IRF2: variants seen among roughly 807,000 people sequenced by gnomAD.
IRF2 encodes the protein interferon regulatory factor 2.
IRF2 carries 15 observed loss-of-function variants against 40.6 expected under a neutral mutation model. The observed-to-expected ratio is 0.37, with a 90% CI of 0.25 to 0.57. The LOEUF (loss-of-function observed/expected upper bound fraction) is 0.57, where lower values mean the gene tolerates loss of function less well. Ranked by LOEUF, IRF2 falls within the 20% of genes least tolerant of loss-of-function variation. The probability of loss-of-function intolerance (pLI) is 0.77; values close to 1 mark genes in which losing one functional copy is unlikely to be tolerated. For synonymous variants in IRF2, 151 were observed against 165.5 expected, an observed-to-expected ratio of 0.91 and a Z score of 0.67; for missense variants, 317 against 455.7, an observed-to-expected ratio of 0.70 and a Z score of 2.77.
chr4:184,436,278 G>A (rs1362950341), intron 1 of IRF2, among the ~76,000 whole-genome samples: 1 of 152,084 alleles, frequency 6.6e-6, no homozygotes, highest in Non-Finnish European at 1.5e-5. Context: ...CCCGGCCATG[G>A]AACGCCTTTT....
intron 1 of IRF2, among the ~76,000 whole-genome samples, chr4:184,466,153 C>T (rs1018974205): frequency 4.0e-5 from 6 of 151,038 alleles, no homozygotes; most frequent in Admixed American, 6.6e-5. Flanking sequence ...TGGGTTCAAG[C>T]GATTCTCCTG....
At chr4:184,430,643 T>C (rs900779690) in intron 1 of IRF2, among the ~76,000 whole-genome samples, 3 of 152,224 alleles carry the variant, frequency 2.0e-5, no homozygotes, top group Non-Finnish European at 4.4e-5. Context: ...CTCTCAGCTG[T>C]GTATAGTCCA....
intron 1 of IRF2, among the ~76,000 whole-genome samples, chr4:184,451,087 G>A (rs1435716515): frequency 6.6e-6 from 1 of 152,178 alleles, no homozygotes; most frequent in African/African-American, 2.4e-5. Context: ...ATTATGCAAC[G>A]TGAGAAGTTG....
intron 1 of IRF2, among the ~76,000 whole-genome samples, chr4:184,473,619 G>T (rs1199587847): frequency 6.8e-6 from 1 of 147,650 alleles, no homozygotes; most frequent in African/African-American, 2.4e-5. Flanking sequence ...GCGTCGGCCA[G>T]GCCCGGCGCC....
chr4:184,401,498 A>C (rs1458516553), intron 6 of IRF2, among the ~76,000 whole-genome samples: 1 of 152,206 alleles, frequency 6.6e-6, no homozygotes. Context: ...GGCAGGCTAT[A>C]TATGGCAGGC....
chr4:184,457,882 G>A lies in IRF2; in HGVS notation c.-7+16497C>T, dbSNP rs143920451. Among the ~76,000 whole-genome samples, 1,298 of 151,818 alleles carry A rather than the reference G, an allele frequency of 8.5e-3. 13 individuals carry two copies. The highest frequency in any genetic ancestry group is 0.015 in the Non-Finnish European group (1,022 of 67,952). ...AAAGAAAAAAGCTGGCTGTATCCTC[G>A]GAACAAAACCCTTCCTTACTGGGAA... On this transcript the variant is annotated intron_variant, in intron 1 of 8. Coordinates refer to ENST00000393593, the MANE Select transcript of IRF2 (RefSeq NM_002199.4).
In IRF2 at chr4:184,464,939, T is replaced by C. The variant is rs536185197; in HGVS notation, c.-7+9440A>G. ...CCCTGTCAACAAAGTGTAGCCCACA[T>C]GTACATTCCATTAGTTTTCAGTGTC... On this transcript the variant is annotated intron_variant, in intron 1 of 8. Transcript: ENST00000393593. Among the ~76,000 whole-genome samples the C allele has an allele frequency of 2.6e-4, 40 of 152,114 alleles. No homozygotes were observed. In the South Asian group the frequency reaches 8.3e-3, roughly 32 times the overall value.
At chr4:184,444,358 T>C (rs952942329) in intron 1 of IRF2, among the ~76,000 whole-genome samples, 2 of 152,188 alleles carry the variant, frequency 1.3e-5, no homozygotes, top group African/African-American at 2.4e-5. Flanking sequence ...CTATAGCCAC[T>C]TCCCAGGGCA....
chr4:184,432,197 T>C (rs793818), intron 1 of IRF2: 152,006 of 152,370 alleles, frequency 1, 75,823 homozygotes, highest in Middle Eastern at 1. Flanking sequence ...CTCACTGAAA[T>C]ATATCCACAA....
At chr4:184,464,073 G>T (rs1207299335) in intron 1 of IRF2, among the ~76,000 whole-genome samples, 1 of 152,172 alleles carries the variant, frequency 6.6e-6, no homozygotes, top group Non-Finnish European at 1.5e-5. Flanking sequence ...GACCGTATAG[G>T]ACATGAAGAT....
In IRF2 at chr4:184,389,599, C is replaced by CT. The variant is rs201718207; in HGVS notation, c.742-534dup. 9.2e-5 allele frequency among the ~76,000 whole-genome samples: 14 copies of CT among 151,786 alleles called. No homozygotes were observed. In the East Asian group the frequency reaches 1.7e-3, roughly 19 times the overall value. On this transcript the variant is annotated intron_variant, in intron 8 of 8. Coordinates refer to ENST00000393593, the MANE Select transcript of IRF2 (RefSeq NM_002199.4). ...CAAGTAATGGTTTTTCTTCCCTTTT[C>CT]TTTTTTTTTAAAAAATCAATTCCCA...
At chr4:184,409,154 A>G (rs1361226484) in intron 5 of IRF2, among the ~76,000 whole-genome samples, 1 of 152,180 alleles carries the variant, frequency 6.6e-6, no homozygotes, top group East Asian at 1.9e-4. Context: ...GACAACACCC[A>G]AGGAATCCAA....
At chr4:184,462,351 G>A (rs1739177350) in intron 1 of IRF2, among the ~76,000 whole-genome samples, 1 of 152,174 alleles carries the variant, frequency 6.6e-6, no homozygotes, top group South Asian at 2.1e-4. Context: ...GCAGAGAAAA[G>A]CTACCTAAGC....
At chr4:184,418,367 T>C in intron 4 of IRF2, 154 bp from the exon 5 acceptor site, 1 of 928,162 alleles carries the variant, frequency 1.1e-6, no homozygotes, top group Non-Finnish European at 1.7e-6. Flanking sequence ...CTGCCTCTGG[T>C]GAATCGAAAG....
In IRF2 at chr4:184,413,220, GC is replaced by G. The variant is rs1366832048; in HGVS notation, c.411+4946del. Among the ~76,000 whole-genome samples the G allele has an allele frequency of 2.0e-5, 3 of 152,110 alleles. No homozygotes were observed. Among genetic ancestry groups the G allele is most frequent in the Admixed American group, 1.3e-4 (2 of 15,268 alleles). The stretch of plus-strand genomic sequence containing the variant: ...ACTCCTTCCCATCCCGGTGAGAAAG[GC>G]CTCCCTTACATATCAATTCCCGCCT... On this transcript the variant is annotated intron_variant, in intron 5 of 8. Transcript: ENST00000393593. The surrounding 1 kb of genome is among the most constrained non-coding windows in gnomAD (Gnocchi z 4.2).
Position 184,388,754 on chromosome 4 carries a change from A to G in IRF2, c.*4T>C. On this transcript the variant is annotated 3_prime_UTR_variant, in exon 9 of 9. Transcript: ENST00000393593. This position sits in a 1 kb window ranked among gnomAD's most constrained non-coding sequence, Gnocchi z 4.6. ...CCCAACAACCACCGCGGAGAGTCAGAGGCTTAACAGCTCTTGACGCGGGCC... is the reference window on the plus strand; with the variant it reads ...CCCAACAACCACCGCGGAGAGTCAGGGGCTTAACAGCTCTTGACGCGGGCC... 6.3e-7 allele frequency: 1 copy of G among 1,599,756 alleles called. No individual in the cohort carries two copies. Among genetic ancestry groups the G allele is most frequent in the Non-Finnish European group, 8.5e-7 (1 of 1,176,950 alleles).
At position 184,408,930 on chromosome 4, in the gene IRF2, C is replaced by T. The variant is rs1736969937; in HGVS notation, c.412-655G>A. On this transcript the variant is annotated intron_variant, in intron 5 of 8. Coordinates refer to ENST00000393593, the MANE Select transcript of IRF2 (RefSeq NM_002199.4). This position sits in a 1 kb window ranked among gnomAD's most constrained non-coding sequence, Gnocchi z 4.9. ...TATCTCATCCAGCCCAAGAATTCTGCACGTGCACACTAATGAAATAATGAG... is the reference window on the plus strand; with the variant it reads ...TATCTCATCCAGCCCAAGAATTCTGTACGTGCACACTAATGAAATAATGAG... Among the ~76,000 whole-genome samples, 1 of 152,208 alleles carries T rather than the reference C, an allele frequency of 6.6e-6. No homozygotes were observed. The highest frequency in any genetic ancestry group is 2.4e-5 in the African/African-American group (1 of 41,450).
At chr4:184,456,786 G>GC (rs1320749950) in intron 1 of IRF2, among the ~76,000 whole-genome samples, 4 of 152,220 alleles carry the variant, frequency 2.6e-5, no homozygotes, top group African/African-American at 9.6e-5. Context: ...CCGAGTCTAC[G>GC]CGAGTCCTGT....
intron 1 of IRF2, among the ~76,000 whole-genome samples, chr4:184,444,558 T>C (rs1292741406): frequency 1.3e-5 from 2 of 152,198 alleles, no homozygotes; most frequent in Non-Finnish European, 2.9e-5. Flanking sequence ...CAGACACAAA[T>C]TTATGGTCAA....
Sources: allele counts gnomAD v4.1 joint callset (sites outside exome capture counted in the v4.1 genomes callset), GRCh38; gene constraint gnomAD v4.1.1; non-coding constraint Gnocchi (gnomAD v3.1); transcripts MANE v1.5; gene names NCBI Gene and HGNC (gene_info 2026-07-23, HGNC 2026-07-21).